EVC2: variants seen among roughly 807,000 people sequenced by gnomAD.
EVC2 encodes the protein limbin.
A neutral mutation model predicts 149.3 loss-of-function variants in EVC2; 148 were observed. The ratio of observed to expected loss-of-function variants is 0.99; its 90% confidence interval spans 0.87 to 1.14. EVC2 has a LOEUF of 1.14. EVC2 is among the 50% of genes most tolerant of loss of function. The pLI is 0.00. For missense variants in EVC2, 1,854 were observed against 1,627.3 expected (o/e 1.14, Z -2.40); for synonymous variants, 776 against 649.9 (o/e 1.19, Z -2.95).
chr4:5,640,186 G>A lies in EVC2; in HGVS notation c.1470+328C>T, dbSNP rs978427723. Reference sequence around the variant, plus strand: ...GGATGGGAGGGTGGATAAATGAGTAGGTGGATGAACAGACAGATGGATGTG... The same window carrying A: ...GGATGGGAGGGTGGATAAATGAGTAAGTGGATGAACAGACAGATGGATGTG... On this transcript the variant is annotated intron_variant, in intron 10 of 21. Coordinates refer to ENST00000344408, the MANE Select transcript of EVC2 (RefSeq NM_147127.5). The surrounding 1 kb of genome is among the most constrained non-coding windows in gnomAD (Gnocchi z 4.6). 6.6e-6 allele frequency among the ~76,000 whole-genome samples: 1 copy of A among 151,964 alleles called. No individual in the cohort carries two copies. Among genetic ancestry groups the A allele is most frequent in the Non-Finnish European group, 1.5e-5 (1 of 67,982 alleles).
intron 9 of EVC2, among the ~76,000 whole-genome samples, chr4:5,647,889 C>G (rs531879204): frequency 6.6e-6 from 1 of 152,098 alleles, no homozygotes; most frequent in African/African-American, 2.4e-5. Flanking sequence ...CGCCCTGTGG[C>G]GAAGGAAGCC....
At chr4:5,612,130 CTAAT>C (rs1367353774) in intron 16 of EVC2, among the ~76,000 whole-genome samples, 3 of 152,176 alleles carry the variant, frequency 2.0e-5, no homozygotes, top group African/African-American at 7.2e-5. Context: ...CAAACCGTAA[CTAAT>C]TAAACTGTTG....
chr4:5,673,727 C>T (rs950756727), intron 7 of EVC2, among the ~76,000 whole-genome samples: 11 of 152,194 alleles, frequency 7.2e-5, no homozygotes, highest in South Asian at 6.2e-4. Flanking sequence ...AAAACGAATG[C>T]TTTAAATGCT....
At chr4:5,547,118 C>A (rs751401816) in intron 21 of EVC2, among the ~76,000 whole-genome samples, 20 of 152,260 alleles carry the variant, frequency 1.3e-4, no homozygotes, top group Non-Finnish European at 2.2e-4. Context: ...GCTCCCACTG[C>A]CTGGCTTCTC....
chr4:5,691,141 T>C lies in EVC2; in HGVS notation c.519+124A>G, dbSNP rs1450558983. The C allele has an allele frequency of 5.0e-6, 4 of 806,022 alleles. No homozygotes were observed. The African/African-American group carries it at 6.8e-5, about 14-fold the overall frequency. 49.9% of individuals were successfully genotyped at this position (806,022 alleles called of 1,614,324 possible). A position where few individuals can be genotyped will look rare whatever the true frequency, so the allele number is the denominator to read the frequency against. On this transcript the variant is annotated intron_variant, in intron 4 of 21. Transcript: ENST00000344408. ...GACCTTGCTATTTGTTCATTGCTCA[T>C]GTGTCTAGACTTGTGTAGGTAAGCC...
At chr4:5,707,965 CCGTTTCAA>C (rs1225054137) in intron 1 of EVC2, 1 of 226,456 alleles carries the variant, frequency 4.4e-6, no homozygotes, top group Non-Finnish European at 8.6e-6. Flanking sequence ...CGCGACGGCC[CCGTTTCAA>C]CGATCAGGAA....
chr4:5,707,595 G>C (rs78253527), intron 1 of EVC2, among the ~76,000 whole-genome samples: 4,503 of 152,192 alleles, frequency 0.03, 214 homozygotes, highest in African/African-American at 0.1. Flanking sequence ...CCATCACCAA[G>C]GGCTGGAAGT....
Position 5,636,570 on chromosome 4 carries a change from G to C in EVC2, c.1470+3944C>G, listed in dbSNP as rs1716901958. 6.6e-6 allele frequency among the ~76,000 whole-genome samples: 1 copy of C among 152,052 alleles called. No homozygotes were observed. Among genetic ancestry groups the C allele is most frequent in the Non-Finnish European group, 1.5e-5 (1 of 68,034 alleles). On this transcript the variant is annotated intron_variant, in intron 10 of 21. Transcript: ENST00000344408. This position sits in a 1 kb window ranked among gnomAD's most constrained non-coding sequence, Gnocchi z 4.6. ...AACAGAGGTGATTTAAAGTATACAGGAGCATTTGTGTAGGTTATGTGCAAA... is the reference window on the plus strand; with the variant it reads ...AACAGAGGTGATTTAAAGTATACAGCAGCATTTGTGTAGGTTATGTGCAAA...
downstream of EVC2, among the ~76,000 whole-genome samples, chr4:5,557,690 C>A (rs887484533): frequency 6.6e-6 from 1 of 151,960 alleles, no homozygotes; most frequent in Non-Finnish European, 1.5e-5. Context: ...CAAAAAACCC[C>A]CAAAACTAAT....
intron 9 of EVC2, among the ~76,000 whole-genome samples, chr4:5,641,827 G>C (rs540695356): frequency 5.3e-5 from 8 of 152,242 alleles, no homozygotes; most frequent in Admixed American, 3.3e-4. Flanking sequence ...GAACGTGCAG[G>C]TTTGTTACAC....
In EVC2 at chr4:5,613,616, A is replaced by C. The variant is rs1715018605; in HGVS notation, c.2829+1806T>G. 6.6e-6 allele frequency among the ~76,000 whole-genome samples: 1 copy of C among 152,010 alleles called. No homozygotes were observed. Among genetic ancestry groups the C allele is most frequent in the African/African-American group, 2.4e-5 (1 of 41,386 alleles). On this transcript the variant is annotated intron_variant, in intron 16 of 21. Transcript: ENST00000344408. The surrounding 1 kb of genome is among the most constrained non-coding windows in gnomAD (Gnocchi z 4.6). ...ACCCCAACTTCTGCTCTGCTTCCCT[A>C]GGGGTAGGCTGCCCCCCACAAGGAA...
chr4:5,654,314 C>A lies in EVC2; in HGVS notation c.1145+8793G>T, dbSNP rs565976001. ...GCCCTGGAGTCCAGGAAAGGCCCTG[C>A]GGCAGAGATGGCAGTTTTTGAGGGG... On this transcript the variant is annotated intron_variant, in intron 9 of 21. Transcript: ENST00000344408. Among the ~76,000 whole-genome samples the A allele has an allele frequency of 3.9e-5, 6 of 152,210 alleles. No homozygotes were observed. In the South Asian group the frequency reaches 6.2e-4, roughly 16 times the overall value.
chr4:5,584,644 C>A lies in EVC2; in HGVS notation c.3036G>T (p.Gln1012His). Residue 1012 changes from glutamine to histidine, a missense_variant, in exon 17 of 22, where the codon CAG (glutamine) becomes CAT (histidine). Transcript: ENST00000344408. The part of the protein sequence containing the change: ...SEMLTKSACT[Q>H]ILESHSRELQ... ...TCACCCGGCTGTGCGACTCCAGGAT[C>A]TGTGTGCAGGCCGACTTGGTCAGCA... 1 of 1,613,722 alleles carries A rather than the reference C, an allele frequency of 6.2e-7. No individual in the cohort carries two copies. The highest frequency in any genetic ancestry group is 8.5e-7 in the Non-Finnish European group (1 of 1,179,838).
At chr4:5,645,510 T>G (rs958579329) in intron 9 of EVC2, among the ~76,000 whole-genome samples, 5 of 151,966 alleles carry the variant, frequency 3.3e-5, no homozygotes, top group Non-Finnish European at 1.5e-5. Flanking sequence ...GAATACGCGG[T>G]GTTTGGTTTT....
At chr4:5,593,850 T>C (rs968842937) in intron 16 of EVC2, among the ~76,000 whole-genome samples, 30 of 152,134 alleles carry the variant, frequency 2.0e-4, no homozygotes, top group African/African-American at 6.7e-4. Flanking sequence ...ACCTGGAAAA[T>C]TGGGTCACTC....
chr4:5,539,555 T>C (rs908871300), downstream of EVC2, among the ~76,000 whole-genome samples: 38 of 152,246 alleles, frequency 2.5e-4, no homozygotes, highest in African/African-American at 9.1e-4. Context: ...GCTACAGTAA[T>C]CAGGAAATGG....
At chr4:5,538,359 C>T (rs534297914), downstream of EVC2, among the ~76,000 whole-genome samples, 2 of 152,108 alleles carry the variant, frequency 1.3e-5, no homozygotes, top group African/African-American at 2.4e-5. Flanking sequence ...ATGCCAGGCA[C>T]CAAAATTCAA....
At chr4:5,621,191 G>T (rs1446656007) in intron 14 of EVC2, among the ~76,000 whole-genome samples, 1 of 152,180 alleles carries the variant, frequency 6.6e-6, no homozygotes, top group African/African-American at 2.4e-5. Flanking sequence ...TGTAGGAAAG[G>T]AAAGGACATT....
At chr4:5,693,738 G>A (rs1408609120) in intron 3 of EVC2, among the ~76,000 whole-genome samples, 1 of 152,214 alleles carries the variant, frequency 6.6e-6, no homozygotes, top group Non-Finnish European at 1.5e-5. Context: ...CATTGGCCAA[G>A]CTCAACAGTT....
Sources: gnomAD v4.1 joint callset for allele counts (sites outside exome capture counted in the v4.1 genomes callset) on GRCh38, gnomAD v4.1.1 for gene constraint, Gnocchi (gnomAD v3.1) non-coding constraint, MANE v1.5 for transcripts, NCBI Gene and HGNC (gene_info 2026-07-23, HGNC 2026-07-21) for gene names.